The following SLC35B3 variants were observed in gnomAD, a reference collection of about 807,000 sequenced individuals.
SLC35B3 encodes adenosine 3'-phospho 5'-phosphosulfate transporter 2.
In SLC35B3, 35 loss-of-function variants were observed where a neutral mutation model predicts 44.1. That is an observed-to-expected ratio of 0.79 (90% CI 0.61 to 1.05). The LOEUF (loss-of-function observed/expected upper bound fraction) is 1.05, where lower values mean the gene tolerates loss of function less well. Among genes scored for constraint, SLC35B3 ranks in the 50% least tolerant of loss-of-function variants. SLC35B3 has a pLI of 0.00. For synonymous variants in SLC35B3, 146 were observed against 167.3 expected, an observed-to-expected ratio of 0.87 and a Z score of 0.98; for missense variants, 414 against 476.4, an observed-to-expected ratio of 0.87 and a Z score of 1.22.
Position 8,434,937 on chromosome 6 carries a change from A to G in SLC35B3, c.-44+406T>C, listed in dbSNP as rs1764341988. 5 of 350,370 alleles carry G rather than the reference A, an allele frequency of 1.4e-5. No homozygotes were observed. The highest frequency in any genetic ancestry group is 2.3e-5 in the Non-Finnish European group (5 of 215,424). 21.7% of individuals were successfully genotyped at this position (350,370 alleles called of 1,614,324 possible). On this transcript the variant is annotated intron_variant, in intron 1 of 10. Transcript: ENST00000644923. This position sits in a 1 kb window ranked among gnomAD's most constrained non-coding sequence, Gnocchi z 6.3. ...CTACTGCAAGCCAAATGGAGAAAAG[A>G]GTACCTTGGAGTGCCCCTATTTAAT...
chr6:8,425,327 A>G (rs910921955), intron 4 of SLC35B3, among the ~76,000 whole-genome samples: 2 of 152,178 alleles, frequency 1.3e-5, no homozygotes, highest in African/African-American at 4.8e-5. Context: ...GTAGTAAATC[A>G]TCATCAAGCT....
intron 4 of SLC35B3, among the ~76,000 whole-genome samples, chr6:8,423,947 T>G (rs1000377446): frequency 6.6e-6 from 1 of 152,110 alleles, no homozygotes; most frequent in Non-Finnish European, 1.5e-5. Flanking sequence ...ATGATACAAG[T>G]CAAGGTGGTC....
chr6:8,422,389 A>T (rs1248824486), intron 5 of SLC35B3, 81 bp downstream of exon 4: 28 of 1,022,566 alleles, frequency 2.7e-5, no homozygotes, highest in Admixed American at 6.9e-5. Flanking sequence ...ATGTAATAGA[A>T]GTTTAATGTT....
rs141901889 is a variant in SLC35B3 at position 8,424,720 on chromosome 6, C to T, written c.420-2096G>A. Among the ~76,000 whole-genome samples the T allele has an allele frequency of 1.0e-3, 157 of 152,208 alleles. 1 individual carries two copies. Among genetic ancestry groups the T allele is most frequent in the Non-Finnish European group, 1.6e-3 (108 of 68,018 alleles). Reference sequence around the variant, plus strand: ...TTACAGTTTATGATGTACTTTAGCACGCATTACCACATATGAGCCTCAAGA... The same window carrying T: ...TTACAGTTTATGATGTACTTTAGCATGCATTACCACATATGAGCCTCAAGA... On this transcript the variant is annotated intron_variant, in intron 4 of 10. Coordinates refer to ENST00000644923, the MANE Select transcript of SLC35B3 (RefSeq NM_001370476.2).
At chr6:8,427,447 G>C (rs935213778) in intron 4 of SLC35B3, among the ~76,000 whole-genome samples, 1 of 152,150 alleles carries the variant, frequency 6.6e-6, no homozygotes, top group South Asian at 2.1e-4. Flanking sequence ...ATATCATTTT[G>C]TGCACAAAAC....
In SLC35B3 at chr6:8,427,943, C is replaced by A; in HGVS notation, c.413G>T (p.Arg138Met). 6.2e-7 allele frequency: 1 copy of A among 1,611,020 alleles called. No homozygotes were observed. The highest frequency in any genetic ancestry group is 8.5e-7 in the Non-Finnish European group (1 of 1,178,388). Residue 138 changes from arginine to methionine, a missense_variant, in exon 4 of 11, where the codon AGG becomes ATG. Coordinates refer to ENST00000644923, the MANE Select transcript of SLC35B3 (RefSeq NM_001370476.2). ...ATAAAAACAAACCACATACCTCCTC[C>A]TTTTGTCCTGAATAAGCTGAAGTTC...
intron 4 of SLC35B3, among the ~76,000 whole-genome samples, chr6:8,425,913 T>C (rs1231144488): frequency 6.6e-6 from 1 of 152,222 alleles, no homozygotes; most frequent in Non-Finnish European, 1.5e-5. Flanking sequence ...TTATTGCATA[T>C]TGTTCTAGAT....
In SLC35B3 at chr6:8,420,056, A is replaced by G. The variant is rs1325268372; in HGVS notation, c.683-379T>C. ...ATTCAGTTAATTAAAAAAAAAAAAA[A>G]CAGATGAAGAGAAAAGTCATTTTTG... is the stretch of plus-strand genomic sequence containing the variant. On this transcript the variant is annotated intron_variant, in intron 6 of 10. Coordinates refer to ENST00000644923, the MANE Select transcript of SLC35B3 (RefSeq NM_001370476.2). This position sits in a 1 kb window ranked among gnomAD's most constrained non-coding sequence, Gnocchi z 4.4. Among the ~76,000 whole-genome samples the G allele has an allele frequency of 6.6e-6, 1 of 151,764 alleles. No homozygotes were observed. Among genetic ancestry groups the G allele is most frequent in the African/African-American group, 2.4e-5 (1 of 41,456 alleles).
At position 8,429,927 on chromosome 6, in the gene SLC35B3, A is replaced by T. The variant is rs774236914; in HGVS notation, c.234T>A (p.Leu78=). ...CAGCAACACATATGAAAAACTGAGT[A>T]AGTTTGTTAAACTTGCTGAGATTCA... The change falls in exon 3 of 11, where the codon CTT becomes CTA. Residue 78 remains leucine, a synonymous_variant. Transcript: ENST00000644923. 3 of 1,611,018 alleles carry T rather than the reference A, an allele frequency of 1.9e-6. No individual in the cohort carries two copies. The highest frequency in any genetic ancestry group is 2.5e-6 in the Non-Finnish European group (3 of 1,178,718).
At chr6:8,431,475 G>C (rs1432625945) in intron 2 of SLC35B3, among the ~76,000 whole-genome samples, 2 of 152,030 alleles carry the variant, frequency 1.3e-5, no homozygotes, top group African/African-American at 4.8e-5. Flanking sequence ...TTAAAGGAGG[G>C]GTCAAGGATC....
intron 4 of SLC35B3, among the ~76,000 whole-genome samples, chr6:8,423,136 C>A (rs747932062): frequency 6.6e-6 from 1 of 152,048 alleles, no homozygotes; most frequent in Admixed American, 6.6e-5. Context: ...TACAGGTGTG[C>A]GCCACCATGC....
chr6:8,419,140 T>G lies in SLC35B3; in HGVS notation c.780+440A>C, dbSNP rs1236721468. ...GTTTTAGATTGGATCAAGGGCTTAA[T>G]AAAAAAGGAAATCACAAAACTAGTA... is the stretch of plus-strand genomic sequence containing the variant. On this transcript the variant is annotated intron_variant, in intron 7 of 10. Coordinates refer to ENST00000644923, the MANE Select transcript of SLC35B3 (RefSeq NM_001370476.2). The surrounding 1 kb of genome is among the most constrained non-coding windows in gnomAD (Gnocchi z 4.3). 2.6e-5 allele frequency among the ~76,000 whole-genome samples: 4 copies of G among 151,940 alleles called. No homozygotes were observed. The highest frequency in any genetic ancestry group is 5.9e-5 in the Non-Finnish European group (4 of 67,896).
Position 8,430,445 on chromosome 6 carries a change from T to G in SLC35B3, c.4-288A>C, listed in dbSNP as rs191294815. On this transcript the variant is annotated intron_variant, in intron 2 of 10. Coordinates refer to ENST00000644923, the MANE Select transcript of SLC35B3 (RefSeq NM_001370476.2). ...TTCATCAAAGAACTAAACATGTCTT[T>G]GTGTCTATATATAGTTGATGCATAA... Among the ~76,000 whole-genome samples, 19 of 152,348 alleles carry G rather than the reference T, an allele frequency of 1.2e-4. No individual in the cohort carries two copies. The East Asian group carries it at 2.7e-3, about 22-fold the overall frequency.
chr6:8,435,511 C>G lies in SLC35B3; in HGVS notation c.-212G>C, dbSNP rs980115450. ...CGGTCGCCTCCCCGGAAAGCACTCT[C>G]AACTCCGGCGCCCGCAGGCCACTTC... On this transcript the variant is annotated 5_prime_UTR_variant, in exon 1 of 11. Coordinates refer to ENST00000644923, the MANE Select transcript of SLC35B3 (RefSeq NM_001370476.2). The surrounding 1 kb of genome is among the most constrained non-coding windows in gnomAD (Gnocchi z 5.5). The G allele has an allele frequency of 7.6e-6, 5 of 657,160 alleles. No homozygotes were observed. The highest frequency in any genetic ancestry group is 3.8e-5 in the African/African-American group (2 of 52,744). 40.7% of individuals were successfully genotyped at this position (657,160 alleles called of 1,614,324 possible). A position where few individuals can be genotyped will look rare whatever the true frequency, so the allele number is the denominator to read the frequency against.
chr6:8,414,229 AAT>A (rs1762211707), intron 10 of SLC35B3, among the ~76,000 whole-genome samples: 1 of 152,188 alleles, frequency 6.6e-6, no homozygotes, highest in Admixed American at 6.5e-5. Flanking sequence ...ATAGACAAAT[AAT>A]AATCTGTAAT....
At chr6:8,426,043 A>G (rs1006845770) in intron 4 of SLC35B3, among the ~76,000 whole-genome samples, 8 of 152,212 alleles carry the variant, frequency 5.3e-5, no homozygotes, top group African/African-American at 1.9e-4. Context: ...TCTAATGCTT[A>G]AGAACGCAAC....
rs186284481 is a variant in SLC35B3, at chr6:8,422,386, A to T, written c.574+84T>A. 2,402 of 1,013,292 alleles carry T rather than the reference A, an allele frequency of 2.4e-3. 3 individuals are homozygous for T. Among genetic ancestry groups the T allele is most frequent in the Admixed American group, 5.5e-3 (234 of 42,584 alleles). 62.8% of individuals were successfully genotyped at this position (1,013,292 alleles called of 1,614,324 possible). A position where few individuals can be genotyped will look rare whatever the true frequency, so the allele number is the denominator to read the frequency against. On this transcript the variant is annotated intron_variant, in intron 5 of 10. Coordinates refer to ENST00000644923, the MANE Select transcript of SLC35B3 (RefSeq NM_001370476.2). ...CTAGAATGCTCATTGAAAATGTAAT[A>T]GAAGTTTAATGTTTTTCCTAATGCT...
At chr6:8,422,812 A>G (rs1469613299) in intron 4 of SLC35B3, among the ~76,000 whole-genome samples, 188 bp from the exon 4 acceptor site, 1 of 152,360 alleles carries the variant, frequency 6.6e-6, no homozygotes, top group East Asian at 1.9e-4. Flanking sequence ...TATAAAAATA[A>G]CAATTTACCT....
At chr6:8,418,554 C>CAA (rs751859093) in intron 7 of SLC35B3, among the ~76,000 whole-genome samples, 3,194 of 116,604 alleles carry the variant, frequency 0.027, 121 homozygotes, top group African/African-American at 0.1. Context: ...ACACTACTTG[C>CAA]AAAAAAAAAA....
Sources: gnomAD v4.1 joint callset for allele counts (sites outside exome capture counted in the v4.1 genomes callset) on GRCh38, gnomAD v4.1.1 for gene constraint, Gnocchi (gnomAD v3.1) non-coding constraint, MANE v1.5 for transcripts, NCBI Gene and HGNC (gene_info 2026-07-23, HGNC 2026-07-21) for gene names.